Variants in LRRC8C observed in about 807,000 individuals in gnomAD.
The protein encoded by LRRC8C is volume-regulated anion channel subunit LRRC8C.
Under a neutral mutation model 55.3 loss-of-function variants are expected in LRRC8C, and 20 were observed. That is an observed-to-expected ratio of 0.36 (90% confidence interval 0.25 to 0.53). The LOEUF (loss-of-function observed/expected upper bound fraction) is 0.53, where lower values mean the gene tolerates loss of function less well. Ranked by LOEUF, LRRC8C falls within the 20% of genes least tolerant of loss-of-function variation. LRRC8C has a pLI of 0.92. For missense variants in LRRC8C, 659 were observed against 951.4 expected, an observed-to-expected ratio of 0.69 and a Z score of 4.04; for synonymous variants, 376 against 360.7, an observed-to-expected ratio of 1.04 and a Z score of -0.48.
intron 1 of LRRC8C, among the ~76,000 whole-genome samples, chr1:89,650,811 A>G (rs1656752548): frequency 6.6e-6 from 1 of 152,184 alleles, no homozygotes; most frequent in African/African-American, 2.4e-5. Context: ...CATCCCTCCA[A>G]TATCAAATAC....
intron 1 of LRRC8C, among the ~76,000 whole-genome samples, chr1:89,640,214 G>A (rs1656415989): frequency 6.6e-6 from 1 of 152,184 alleles, no homozygotes; most frequent in African/African-American, 2.4e-5. Context: ...ACAGGCGCCT[G>A]CCGCCGCACC....
intron 1 of LRRC8C, among the ~76,000 whole-genome samples, chr1:89,652,375 T>C (rs10922684): frequency 0.56 from 85,209 of 151,958 alleles, 24,245 homozygotes; most frequent in East Asian, 0.79. Context: ...GCATCTCTTC[T>C]GAAAAGAGAT....
chr1:89,664,392 A>G (rs1657200547), intron 1 of LRRC8C, among the ~76,000 whole-genome samples: 1 of 152,214 alleles, frequency 6.6e-6, no homozygotes, highest in Non-Finnish European at 1.5e-5. Context: ...CATTTACTAA[A>G]TAGGGAACCC....
chr1:89,625,076 C>T, the LRRC8C span: 1 of 152,138 alleles, frequency 6.6e-6, no homozygotes, highest in Non-Finnish European at 1.5e-5. Flanking sequence ...CAAGGTACTT[C>T]GGGAAGATAC....
At chr1:89,683,411 G>A (rs967095483) in intron 1 of LRRC8C, among the ~76,000 whole-genome samples, 2 of 150,704 alleles carry the variant, frequency 1.3e-5, no homozygotes, top group African/African-American at 4.9e-5. Context: ...AGGCTGGAGT[G>A]CAGTGGTGCG....
At chr1:89,622,799 T>A in the LRRC8C span, among the ~76,000 whole-genome samples, 10 of 152,326 alleles carry the variant, frequency 6.6e-5, no homozygotes, top group Non-Finnish European at 1.3e-4. Flanking sequence ...TCAATACTGT[T>A]ATACTTTAAA....
intron 1 of LRRC8C, among the ~76,000 whole-genome samples, chr1:89,634,137 G>A (rs202245692): frequency 5.9e-5 from 9 of 152,070 alleles, no homozygotes; most frequent in African/African-American, 2.2e-4. Flanking sequence ...TCCAAACCTC[G>A]CATCCTCCGT....
At chr1:89,636,651 C>T (rs1656291914) in intron 1 of LRRC8C, among the ~76,000 whole-genome samples, 1 of 150,196 alleles carries the variant, frequency 6.7e-6, no homozygotes. Flanking sequence ...CCTCCACCAG[C>T]TGAAATTCTG....
At chr1:89,666,143 T>C (rs375783398) in intron 1 of LRRC8C, among the ~76,000 whole-genome samples, 5 of 152,206 alleles carry the variant, frequency 3.3e-5, no homozygotes, top group Admixed American at 6.5e-5. Flanking sequence ...AAGCAACATA[T>C]GACTGCATTT....
At chr1:89,653,481 G>A (rs1376229708) in intron 1 of LRRC8C, among the ~76,000 whole-genome samples, 2 of 152,142 alleles carry the variant, frequency 1.3e-5, no homozygotes, top group Non-Finnish European at 2.9e-5. Context: ...ATAATGTTTA[G>A]TATTCTTGTG....
chr1:89,617,405 A>C, the LRRC8C span, among the ~76,000 whole-genome samples: 7 of 152,198 alleles, frequency 4.6e-5, no homozygotes, highest in East Asian at 5.8e-4. Flanking sequence ...CAGATGATTC[A>C]TGGGCATGAT....
rs748002564 is a variant in LRRC8C at position 89,714,027 on chromosome 1, TC to T, written c.1458del (p.Ser487LeufsTer3). ...TCTGTCAAAATCCACAGTGCGGCGC[TC>T]TCTTTCCTGAAGGAAAACCTCAAGG... ...QCSVKIHSAA[L>X]SFLKENLKVL... On this transcript the variant is annotated frameshift_variant, in exon 3 of 3. Coordinates refer to ENST00000370454, the MANE Select transcript of LRRC8C (RefSeq NM_032270.5). LOFTEE classifies it high-confidence loss of function. The surrounding 1 kb of genome is among the most constrained non-coding windows in gnomAD (Gnocchi z 4.6). 5 of 1,613,450 alleles carry T rather than the reference TC, an allele frequency of 3.1e-6. No homozygotes were observed. The highest frequency in any genetic ancestry group is 2.5e-6 in the Non-Finnish European group (3 of 1,179,998).
At chr1:89,666,204 T>C (rs1449974342) in intron 1 of LRRC8C, among the ~76,000 whole-genome samples, 2 of 152,166 alleles carry the variant, frequency 1.3e-5, no homozygotes, top group East Asian at 3.9e-4. Flanking sequence ...TTAATAAACA[T>C]GTACATTCCC....
In LRRC8C at chr1:89,672,921, T is replaced by G. The variant is rs548779262; in HGVS notation, c.-4-13549T>G. Reference sequence around the variant, plus strand: ...GGTCATTGGAAAAGAAGATCAAACATTACAAGAACAAGTAAAAACAAACAT... The same window carrying G: ...GGTCATTGGAAAAGAAGATCAAACAGTACAAGAACAAGTAAAAACAAACAT... On this transcript the variant is annotated intron_variant, in intron 1 of 2. Coordinates refer to ENST00000370454, the MANE Select transcript of LRRC8C (RefSeq NM_032270.5). Among the ~76,000 whole-genome samples, 11 of 152,212 alleles carry G rather than the reference T, an allele frequency of 7.2e-5. No homozygotes were observed. The East Asian group carries it at 1.9e-3, about 27-fold the overall frequency.
At chr1:89,685,814 T>C (rs1350382021) in intron 1 of LRRC8C, among the ~76,000 whole-genome samples, 22 of 107,974 alleles carry the variant, frequency 2.0e-4, no homozygotes, top group Non-Finnish European at 2.3e-5. Flanking sequence ...ATGTGAGAAG[T>C]ACAGGAAACA....
chr1:89,643,572 T>G (rs1367458908), intron 1 of LRRC8C, among the ~76,000 whole-genome samples: 1 of 152,212 alleles, frequency 6.6e-6, no homozygotes, highest in Non-Finnish European at 1.5e-5. Context: ...TGTGTTGCTT[T>G]TAAGTATGAT....
At chr1:89,629,741 T>C (rs1449934980), upstream of LRRC8C, 1 of 152,214 alleles carries the variant, frequency 6.6e-6, no homozygotes, top group Non-Finnish European at 1.5e-5. Flanking sequence ...CCAGACTCTG[T>C]AGTGAAGAGG....
chr1:89,681,738 C>A (rs1207653075), intron 1 of LRRC8C, among the ~76,000 whole-genome samples: 1 of 152,182 alleles, frequency 6.6e-6, no homozygotes, highest in African/African-American at 2.4e-5. Context: ...CACCAGGTCC[C>A]TCCGATGACA....
intron 1 of LRRC8C, among the ~76,000 whole-genome samples, chr1:89,637,536 C>A (rs529050699): frequency 6.6e-6 from 1 of 151,692 alleles, no homozygotes; most frequent in Non-Finnish European, 1.5e-5. Flanking sequence ...AACTATAATA[C>A]CTTATGACTG....
Sources: allele counts gnomAD v4.1 joint callset (sites outside exome capture counted in the v4.1 genomes callset), GRCh38; gene constraint gnomAD v4.1.1; non-coding constraint Gnocchi (gnomAD v3.1); transcripts MANE v1.5; gene names NCBI Gene and HGNC (gene_info 2026-07-23, HGNC 2026-07-21).